TIPIN: variants seen among roughly 807,000 people sequenced by gnomAD.
TIPIN encodes TIMELESS interacting protein, also known as TIMELESS-interacting protein.
Under a neutral mutation model 35.6 loss-of-function variants are expected in TIPIN, and 29 were observed. That is an observed-to-expected ratio of 0.82 (90% confidence interval 0.61 to 1.11). The LOEUF is 1.11. TIPIN is among the 50% of genes most tolerant of loss of function. The pLI is 0.00. For missense variants in TIPIN, 296 were observed against 345.4 expected (o/e 0.86, Z 1.13); for synonymous variants, 102 against 121.5 (o/e 0.84, Z 1.06).
intron 6 of TIPIN, among the ~76,000 whole-genome samples, chr15:66,342,821 C>T (rs16949821): frequency 0.26 from 39,136 of 151,948 alleles, 5,658 homozygotes; most frequent in South Asian, 0.33. Flanking sequence ...TTATTAAAGC[C>T]CTGTAAACCA....
At chr15:66,371,451 T>C (rs1283404195) in intron 1 of TIPIN, 83 of 907,320 alleles carry the variant, frequency 9.1e-5, no homozygotes, top group Non-Finnish European at 1.0e-4. Context: ...TCAGTCTGCT[T>C]TATTTTCTGG....
chr15:66,348,008 C>CTTTTT (rs543925918), intron 6 of TIPIN, among the ~76,000 whole-genome samples: 1 of 135,508 alleles, frequency 7.4e-6, no homozygotes, highest in Non-Finnish European at 1.5e-5. Context: ...TTCTTTCTTT[C>CTTTTT]TTTTTTTTTT....
rs200775991 is a variant in TIPIN, at chr15:66,336,932, C to A, written c.*26G>T. The stretch of plus-strand genomic sequence containing the variant: ...CCAAGCTTGCAGGACGATGACTTAA[C>A]AGATACATTTTCTCTTAATGGAAAC... On this transcript the variant is annotated 3_prime_UTR_variant, in exon 8 of 8. Transcript: ENST00000261881. 2.3e-4 allele frequency: 359 copies of A among 1,593,650 alleles called. No homozygotes were observed. Among genetic ancestry groups the A allele is most frequent in the Non-Finnish European group, 2.9e-4 (342 of 1,164,544 alleles).
At chr15:66,339,415 A>C (rs1393829533) in intron 7 of TIPIN, among the ~76,000 whole-genome samples, 2 of 151,938 alleles carry the variant, frequency 1.3e-5, no homozygotes, top group African/African-American at 4.8e-5. Context: ...TGGGCCTATA[A>C]TTCTTATTTT....
At chr15:66,361,685 A>G (rs986808571), upstream of TIPIN, among the ~76,000 whole-genome samples, 6 of 152,170 alleles carry the variant, frequency 3.9e-5, no homozygotes, top group African/African-American at 1.4e-4. Context: ...TTTCCTACAG[A>G]CCGTGTCATT....
At chr15:66,373,117 C>T (rs2093283445) in intron 1 of TIPIN, among the ~76,000 whole-genome samples, 1 of 152,046 alleles carries the variant, frequency 6.6e-6, no homozygotes, top group African/African-American at 2.4e-5. Context: ...ATGTTGTTTG[C>T]TCAATGATGA....
intron 7 of TIPIN, 82 bp from the exon 8 acceptor site, chr15:66,337,263 C>T (rs2140434123): frequency 1.9e-6 from 2 of 1,072,444 alleles, no homozygotes; most frequent in South Asian, 3.6e-5. Context: ...TTCAAAAGCT[C>T]AGTTTAGTAA....
intron 1 of TIPIN, chr15:66,379,297 A>G: frequency 3.8e-6 from 6 of 1,560,576 alleles, no homozygotes; most frequent in Admixed American, 1.8e-5. Context: ...CTTAGGAGTC[A>G]TCTGGCGTCT....
chr15:66,379,997 T>TG, intron 1 of TIPIN: 1 of 457,020 alleles, frequency 2.2e-6, no homozygotes, highest in Non-Finnish European at 3.7e-6. Context: ...TTTCTTTCTT[T>TG]CTTTCTTTTT....
intron 1 of TIPIN, among the ~76,000 whole-genome samples, chr15:66,355,345 T>C (rs1374522981): frequency 2.0e-5 from 3 of 151,736 alleles, no homozygotes; most frequent in African/African-American, 4.8e-5. Flanking sequence ...AGGTGCTCAA[T>C]ATATATTTGA....
intron 1 of TIPIN, chr15:66,371,471 A>C (rs554899847): frequency 1.3e-6 from 1 of 789,132 alleles, no homozygotes; most frequent in African/African-American, 1.9e-5. Flanking sequence ...GGAAAAAAAA[A>C]GTTTTTCCAT....
chr15:66,382,042 C>T (rs983297293), intron 1 of TIPIN, among the ~76,000 whole-genome samples: 35 of 147,440 alleles, frequency 2.4e-4, no homozygotes, highest in Admixed American at 2.0e-3. Context: ...TCCACCTGGG[C>T]GATGAGTGAA....
intron 1 of TIPIN, among the ~76,000 whole-genome samples, chr15:66,376,591 G>A (rs1341685106): frequency 8.6e-5 from 13 of 151,392 alleles, no homozygotes; most frequent in Admixed American, 7.9e-4. Flanking sequence ...ACCAAGCCTG[G>A]CTAATTTTTT....
Position 66,352,918 on chromosome 15 carries a change from A to G in TIPIN, c.30T>C (p.Ile10=). 1 of 1,614,118 alleles carries G rather than the reference A, an allele frequency of 6.2e-7. No individual in the cohort carries two copies. The highest frequency in any genetic ancestry group is 1.3e-5 in the African/African-American group (1 of 75,048). ...CTACATGCTCATAATCTGGTAGGTC[A>G]ATCACGCCATTCTCCTGTGGTTCTA... MLEPQENGV[I]DLPDYEHVED... The change falls in exon 2 of 8, where the codon ATT becomes ATC. Residue 10 remains isoleucine, a synonymous_variant. Coordinates refer to ENST00000261881, the MANE Select transcript of TIPIN (RefSeq NM_017858.3).
At chr15:66,366,347 G>A (rs1025748707) in intron 1 of TIPIN, among the ~76,000 whole-genome samples, 65 of 151,958 alleles carry the variant, frequency 4.3e-4, no homozygotes, top group African/African-American at 1.4e-3. Context: ...CCAGCTACTC[G>A]GGAGGCTGAG....
At chr15:66,341,101 T>C in intron 7 of TIPIN, 49 bp downstream of exon 7, 1 of 1,539,904 alleles carries the variant, frequency 6.5e-7, no homozygotes, top group Non-Finnish European at 8.9e-7. Flanking sequence ...ATTTCTAACA[T>C]GTCCTTGATA....
rs2093067866 is a variant in TIPIN, at chr15:66,339,157, A to AT, written c.683-1977_683-1976insA. Among the ~76,000 whole-genome samples the AT allele has an allele frequency of 1.4e-4, 10 of 72,176 alleles. 3 individuals carry two copies. The South Asian group carries it at 1.6e-3, about 12-fold the overall frequency. 47.4% of individuals were successfully genotyped at this position (72,176 alleles called of 152,430 possible). ...AAAAAAAAAAAAAAAAAAAAAAAAAAGCAAAAAGAAAAAGTAAATTCATCT... is the reference window on the plus strand; with the variant it reads ...AAAAAAAAAAAAAAAAAAAAAAAAAATGCAAAAAGAAAAAGTAAATTCATCT... On this transcript the variant is annotated intron_variant, in intron 7 of 7. Coordinates refer to ENST00000261881, the MANE Select transcript of TIPIN (RefSeq NM_017858.3).
intron 1 of TIPIN, chr15:66,371,459 T>A: frequency 1.1e-6 from 1 of 879,364 alleles, no homozygotes; most frequent in Non-Finnish European, 1.4e-6. Context: ...CTTTATTTTC[T>A]GGGAAAAAAA....
intron 1 of TIPIN, among the ~76,000 whole-genome samples, chr15:66,373,757 C>CT (rs770728847): frequency 1.6e-4 from 24 of 152,014 alleles, no homozygotes; most frequent in Non-Finnish European, 7.4e-5. Flanking sequence ...GAGTGGAGTG[C>CT]AATAGTAGGA....
Sources: allele counts gnomAD v4.1 joint callset (sites outside exome capture counted in the v4.1 genomes callset), GRCh38; gene constraint gnomAD v4.1.1; transcripts MANE v1.5; gene names NCBI Gene and HGNC (gene_info 2026-07-23, HGNC 2026-07-21).